Variants in USPL1 observed in about 807,000 individuals in gnomAD.
The protein encoded by USPL1 is SUMO-specific isopeptidase USPL1.
USPL1 carries 27 observed loss-of-function variants against 51.5 expected under a neutral mutation model. The ratio of observed to expected loss-of-function variants is 0.52; its 90% CI spans 0.39 to 0.72. The LOEUF is 0.72. Ranked by LOEUF, USPL1 falls within the 30% of genes least tolerant of loss-of-function variation. USPL1 has a pLI of 0.00. For synonymous variants in USPL1, 451 were observed against 459.6 expected (o/e 0.98, Z 0.24); for missense variants, 1,226 against 1,268.0 (o/e 0.97, Z 0.50).
chr13:30,649,062 A>G (rs1951054448), intron 7 of USPL1, among the ~76,000 whole-genome samples: 3 of 152,218 alleles, frequency 2.0e-5, no homozygotes, highest in African/African-American at 4.8e-5. Flanking sequence ...TTTTTTAACT[A>G]TACAAATAAG....
Position 30,650,148 on chromosome 13 carries a change from A to C in USPL1, c.1239-3000A>C, listed in dbSNP as rs533400393. 4.6e-4 allele frequency among the ~76,000 whole-genome samples: 70 copies of C among 152,322 alleles called. 1 individual carries two copies. Among genetic ancestry groups the C allele is most frequent in the Non-Finnish European group, 5.6e-4 (38 of 68,040 alleles). Reference sequence around the variant, plus strand: ...GAGGCTGGAAATAAGACATGCTGGAATTGTAAGTAGGACACTAGAGTCTAG... The same window carrying C: ...GAGGCTGGAAATAAGACATGCTGGACTTGTAAGTAGGACACTAGAGTCTAG... On this transcript the variant is annotated intron_variant, in intron 7 of 8. Transcript: ENST00000255304.
chr13:30,631,481 A>G lies in USPL1; in HGVS notation c.868+7A>G, dbSNP rs138427108. 6 of 1,590,566 alleles carry G rather than the reference A, an allele frequency of 3.8e-6. No homozygotes were observed. In the African/African-American group the frequency reaches 5.4e-5, roughly 14 times the overall value. ...CAATTGAGTGGTGTTAAAGGTTGGT[A>G]CTAATATTTTATTTTTATTTACTTA... On this transcript the variant is annotated splice_region_variant and intron_variant, in intron 4 of 8. Transcript: ENST00000255304.
intron 7 of USPL1, among the ~76,000 whole-genome samples, chr13:30,652,156 T>A (rs1407913276): frequency 6.6e-6 from 1 of 152,194 alleles, no homozygotes; most frequent in Non-Finnish European, 1.5e-5. Flanking sequence ...ATTTTATAAT[T>A]AGTGAAATCT....
At chr13:30,634,542 G>A (rs1248150117) in intron 4 of USPL1, among the ~76,000 whole-genome samples, 2 of 152,082 alleles carry the variant, frequency 1.3e-5, no homozygotes, top group African/African-American at 4.8e-5. Context: ...GTTTATAGTT[G>A]TGGCTCATTG....
At chr13:30,624,951 C>T (rs1480068884) in intron 3 of USPL1, among the ~76,000 whole-genome samples, 3 of 152,166 alleles carry the variant, frequency 2.0e-5, no homozygotes, top group African/African-American at 7.2e-5. Context: ...TCTTCCCTTA[C>T]CTCCCTGAAC....
At chr13:30,621,271 A>AT in intron 2 of USPL1, 32 bp downstream of exon 2, 1 of 1,482,390 alleles carries the variant, frequency 6.7e-7, no homozygotes, top group Non-Finnish European at 9.1e-7. Context: ...CTGAGTGCAA[A>AT]GTTTTTTTTT....
At chr13:30,630,812 A>G (rs1950792436) in intron 3 of USPL1, 23 bp from the exon 4 acceptor site, 2 of 1,551,606 alleles carry the variant, frequency 1.3e-6, no homozygotes, top group Non-Finnish European at 1.7e-6. Context: ...TGTAGTTTTT[A>G]TCATTTTATT....
In USPL1 at chr13:30,658,055, A is replaced by C; in HGVS notation, c.1978A>C (p.Asn660His). Reference protein sequence around the residue: ...VDISFPSQVVNTNMQSVQLNT... With the variant: ...VDISFPSQVVHTNMQSVQLNT... Reference sequence around the variant, plus strand: ...CATAAGTTTTCCATCCCAAGTTGTAAATACAAACATGCAGTCAGTACAGCT... The same window carrying C: ...CATAAGTTTTCCATCCCAAGTTGTACATACAAACATGCAGTCAGTACAGCT... Residue 660 changes from asparagine (N) to histidine (H), a missense_variant, in exon 9 of 9, where the codon AAT becomes CAT. By Grantham distance (68) the Asn-to-His change is moderately conservative. Transcript: ENST00000255304. The C allele has an allele frequency of 6.2e-7, 1 of 1,613,146 alleles. No homozygotes were observed. The highest frequency in any genetic ancestry group is 2.2e-5 in the East Asian group (1 of 44,870).
intron 6 of USPL1, among the ~76,000 whole-genome samples, chr13:30,643,810 A>C (rs569238899): frequency 6.6e-6 from 1 of 151,004 alleles, no homozygotes; most frequent in Non-Finnish European, 1.5e-5. Flanking sequence ...GGGTTTTGCC[A>C]TGTTGGCCAG....
At chr13:30,635,126 A>T (rs1349659769) in intron 4 of USPL1, among the ~76,000 whole-genome samples, 1 of 152,166 alleles carries the variant, frequency 6.6e-6, no homozygotes, top group African/African-American at 2.4e-5. Context: ...CCCAGTTTGC[A>T]GCTTGTGTTT....
intron 1 of USPL1, among the ~76,000 whole-genome samples, chr13:30,620,315 C>T (rs971331918): frequency 2.0e-4 from 30 of 152,230 alleles, no homozygotes; most frequent in African/African-American, 6.5e-4. Context: ...CTAAAGGTCT[C>T]CTGTATTTGA....
Position 30,621,246 on chromosome 13 carries a change from G to C in USPL1, c.99+7G>C. 1 of 1,568,140 alleles carries C rather than the reference G, an allele frequency of 6.4e-7. No individual in the cohort carries two copies. The highest frequency in any genetic ancestry group is 8.6e-7 in the Non-Finnish European group (1 of 1,162,942). On this transcript the variant is annotated splice_region_variant and intron_variant, in intron 2 of 8. Transcript: ENST00000255304. ...GGTGGGGTATTTGGGAAAAGTTAGT[G>C]AACTTATTTTTTGCCTGAGTGCAAA... is the stretch of plus-strand genomic sequence containing the variant.
In USPL1 at chr13:30,646,909, TTTG is replaced by T. The variant is rs1307501946; in HGVS notation, c.1113-20_1113-18del. Reference sequence around the variant, plus strand: ...TGTAAATGCATTTAACGTTAATGAATTTGTTATGTCATTTTTTTATAGGCATAT... The same window carrying T: ...TGTAAATGCATTTAACGTTAATGAATTTATGTCATTTTTTTATAGGCATAT... On this transcript the variant is annotated intron_variant, in intron 6 of 8. Transcript: ENST00000255304. 5 of 1,594,622 alleles carry T rather than the reference TTTG, an allele frequency of 3.1e-6. No homozygotes were observed. Among genetic ancestry groups the T allele is most frequent in the Admixed American group, 1.8e-5 (1 of 56,610 alleles).
Position 30,630,963 on chromosome 13 carries a change from A to G in USPL1, c.357A>G (p.Leu119=), listed in dbSNP as rs772894744. 28 of 1,614,018 alleles carry G rather than the reference A, an allele frequency of 1.7e-5. 1 individual carries two copies. The South Asian group carries it at 3.0e-4, about 17-fold the overall frequency. The part of the protein sequence containing the change: ...LESSYKDSLL[L]ANSKKTRNYI... The stretch of plus-strand genomic sequence containing the variant: ...GCAGCTATAAGGATTCACTTCTTTT[A>G]GCAAATTCCAAAAAGACTAGAAATT... The change falls in exon 4 of 9, where the codon TTA becomes TTG. Residue 119 remains leucine (L), a synonymous_variant. Transcript: ENST00000255304.
chr13:30,631,969 G>T (rs1474779014), intron 4 of USPL1, among the ~76,000 whole-genome samples: 57 of 147,142 alleles, frequency 3.9e-4, no homozygotes, highest in Non-Finnish European at 7.5e-4. Flanking sequence ...CAGTTTTTTT[G>T]TTTTTTTTTT....
At chr13:30,636,348 A>T (rs912390) in intron 4 of USPL1, among the ~76,000 whole-genome samples, 4,525 of 151,952 alleles carry the variant, frequency 0.03, 247 homozygotes, top group African/African-American at 0.1. Context: ...TTGCAATGTA[A>T]GTTTTTTTTT....
intron 8 of USPL1, among the ~76,000 whole-genome samples, chr13:30,655,129 G>A (rs1472490327): frequency 1.3e-5 from 2 of 152,008 alleles, no homozygotes; most frequent in African/African-American, 4.8e-5. Flanking sequence ...TAGAGACAGG[G>A]TTTCTCCATG....
At position 30,658,485 on chromosome 13, in the gene USPL1, G is replaced by A. The variant is rs775507511; in HGVS notation, c.2408G>A (p.Gly803Asp). 1 of 1,613,826 alleles carries A rather than the reference G, an allele frequency of 6.2e-7. No homozygotes were observed. The highest frequency in any genetic ancestry group is 1.3e-5 in the African/African-American group (1 of 75,032). The change falls in exon 9 of 9, where the codon GGT becomes GAT. Residue 803 changes from glycine (G) to aspartate (D), a missense_variant. Transcript: ENST00000255304. ...VNNFGGFKTK[G>D]INQKASHVSK... is the part of the protein sequence containing the mutation. ...AATTTTGGTGGCTTTAAAACTAAAG[G>A]TATAAACCAGAAGGCCAGCCACGTA...
At chr13:30,619,508 A>G (rs573437302) in intron 1 of USPL1, among the ~76,000 whole-genome samples, 7 of 152,318 alleles carry the variant, frequency 4.6e-5, no homozygotes, top group African/African-American at 1.7e-4. Flanking sequence ...TTCATCAAAA[A>G]CAGTTTATTC....
Sources: gnomAD v4.1 joint callset for allele counts (sites outside exome capture counted in the v4.1 genomes callset) on GRCh38, gnomAD v4.1.1 for gene constraint, MANE v1.5 for transcripts, NCBI Gene and HGNC (gene_info 2026-07-23, HGNC 2026-07-21) for gene names.